The following RALGDS variants were observed in gnomAD, a reference collection of about 807,000 sequenced individuals.
RALGDS encodes ral guanine nucleotide exchange factor.
RALGDS carries 44 observed loss-of-function variants against 99.8 expected under a neutral mutation model. The ratio of observed to expected loss-of-function variants is 0.44; its 90% CI spans 0.35 to 0.57. RALGDS has a LOEUF of 0.57. Ranked by LOEUF, RALGDS falls within the 20% of genes least tolerant of loss-of-function variation. The pLI is 0.01. For synonymous variants in RALGDS, 529 were observed against 505.0 expected (o/e 1.05, Z -0.64); for missense variants, 1,022 against 1,203.1 (o/e 0.85, Z 2.23).
At chr9:133,133,443 G>GC (rs1210164399), upstream of RALGDS, among the ~76,000 whole-genome samples, 1 of 152,212 alleles carries the variant, frequency 6.6e-6, no homozygotes, top group African/African-American at 2.4e-5. Flanking sequence ...TCTGCCGCCA[G>GC]CCTGGGGGAG....
At chr9:133,113,188 G>A (rs1018528891) in intron 1 of RALGDS, among the ~76,000 whole-genome samples, 1 of 152,194 alleles carries the variant, frequency 6.6e-6, no homozygotes, top group African/African-American at 2.4e-5. Context: ...GAGCTAAGAG[G>A]TACTGGCCTG....
intron 1 of RALGDS, among the ~76,000 whole-genome samples, chr9:133,118,721 C>G (rs1428500868): frequency 6.6e-6 from 1 of 152,232 alleles, no homozygotes; most frequent in Non-Finnish European, 1.5e-5. Flanking sequence ...TACTGCTCAC[C>G]TGACCTCAGG....
At chr9:133,099,036 T>C in intron 17 of RALGDS, 1 of 452,800 alleles carries the variant, frequency 2.2e-6, no homozygotes, top group South Asian at 2.2e-5. Flanking sequence ...CACCCCGTCC[T>C]GCCCATACTG....
intron 1 of RALGDS, among the ~76,000 whole-genome samples, chr9:133,137,622 G>A (rs1832448709): frequency 6.6e-6 from 1 of 152,252 alleles, no homozygotes; most frequent in Non-Finnish European, 1.5e-5. Flanking sequence ...CCAGGCGGGG[G>A]AAGAGCGAGG....
At chr9:133,109,398 C>T (rs145631700) in intron 4 of RALGDS, among the ~76,000 whole-genome samples, 20 of 152,254 alleles carry the variant, frequency 1.3e-4, no homozygotes, top group Admixed American at 4.6e-4. Flanking sequence ...GATGAGTTCC[C>T]GCCGGGGGCT....
chr9:133,104,511 G>A (rs1163538054), intron 9 of RALGDS, 180 bp from the exon 10 acceptor site: 3 of 628,330 alleles, frequency 4.8e-6, no homozygotes, highest in Non-Finnish European at 8.6e-6. Flanking sequence ...TGGAAAGTGC[G>A]GATGAGAACT....
In RALGDS at chr9:133,101,773, C is replaced by T. The variant is rs374960631; in HGVS notation, c.2212-11G>A. 14 of 1,595,568 alleles carry T rather than the reference C, an allele frequency of 8.8e-6. No homozygotes were observed. The highest frequency in any genetic ancestry group is 5.3e-5 in the Admixed American group (3 of 56,346). ...GGCTGATTCCCAGAACTGAGGGAGA[C>T]GGTAAGATCAGCAGATCCCACTGCC... On this transcript the variant is annotated splice_polypyrimidine_tract_variant and intron_variant, in intron 15 of 17. Transcript: ENST00000372050.
chr9:133,103,338 A>G (rs182052088), intron 11 of RALGDS, 76 bp from the exon 12 acceptor site: 57 of 1,565,506 alleles, frequency 3.6e-5, no homozygotes, highest in Admixed American at 3.3e-4. Flanking sequence ...ATGCTGCACT[A>G]TCAAGAGTGC....
chr9:133,148,190 C>T (rs1219308455), intron 1 of RALGDS, among the ~76,000 whole-genome samples: 1 of 152,222 alleles, frequency 6.6e-6, no homozygotes, highest in African/African-American at 2.4e-5. Flanking sequence ...CCCTTGGAGT[C>T]ACCCAGGCCA....
At position 133,121,144 on chromosome 9, in the gene RALGDS, C is replaced by G. The variant is rs1831916155; in HGVS notation, c.11G>C (p.Arg4Pro). MVQ[R>P]MWAEAAGPAG... ...AGGCCCGGCCGCCTCGGCCCACATG[C>G]GCTGCACCATGGAAGGCTCGCAGCG... The change falls in exon 1 of 18, where the codon CGC becomes CCC. Residue 4 changes from arginine (R) to proline (P), a missense_variant. Transcript: ENST00000372050. 1 of 1,359,600 alleles carries G rather than the reference C, an allele frequency of 7.4e-7. No homozygotes were observed. The highest frequency in any genetic ancestry group is 9.5e-7 in the Non-Finnish European group (1 of 1,055,120). The allele number at this position is 1,359,600 out of a possible 1,614,324, so 84.2% of individuals were successfully genotyped here. A position where few individuals can be genotyped will look rare whatever the true frequency, so the allele number is the denominator to read the frequency against.
At chr9:133,108,524 G>C in intron 5 of RALGDS, 118 bp from the exon 6 acceptor site, 1 of 1,398,278 alleles carries the variant, frequency 7.2e-7, no homozygotes, top group Non-Finnish European at 9.8e-7. Flanking sequence ...CGTGTACCAG[G>C]CCACTCTCCT....
Position 133,106,627 on chromosome 9 carries a change from C to T in RALGDS, c.1517+18G>A. 6.3e-7 allele frequency: 1 copy of T among 1,575,894 alleles called. No homozygotes were observed. Among genetic ancestry groups the T allele is most frequent in the Non-Finnish European group, 8.7e-7 (1 of 1,152,348 alleles). On this transcript the variant is annotated intron_variant, in intron 8 of 17. Coordinates refer to ENST00000372050, the MANE Select transcript of RALGDS (RefSeq NM_006266.4). ...GAGGTCCCTGGTGCACCAGGAGCTC[C>T]TACAGAGGCATGCCCACCTGGAAAC... is the stretch of plus-strand genomic sequence containing the variant.
chr9:133,105,061 C>T (rs753093526), intron 9 of RALGDS, among the ~76,000 whole-genome samples: 15 of 152,170 alleles, frequency 9.9e-5, no homozygotes, highest in African/African-American at 2.4e-4. Flanking sequence ...TGCCTTTACC[C>T]GTTTGGTCAC....
At chr9:133,117,426 G>C (rs574178904) in intron 1 of RALGDS, among the ~76,000 whole-genome samples, 26 of 152,316 alleles carry the variant, frequency 1.7e-4, no homozygotes, top group African/African-American at 6.0e-4. Context: ...ATGACTACAG[G>C]GGAGGCTGCC....
upstream of RALGDS, among the ~76,000 whole-genome samples, chr9:133,133,219 C>G (rs542305133): frequency 3.3e-5 from 5 of 152,366 alleles, no homozygotes; most frequent in African/African-American, 1.2e-4. Context: ...TGGGGCTCCT[C>G]CTTTCGGAGC....
chr9:133,124,793 ACCC>A, upstream of RALGDS, among the ~76,000 whole-genome samples: 1 of 152,196 alleles, frequency 6.6e-6, no homozygotes, highest in Non-Finnish European at 1.5e-5. Flanking sequence ...CTGTGGGGAC[ACCC>A]TAACCAAGGG....
rs1365387832 is a variant in RALGDS, at chr9:133,121,166, A to G, written c.-12T>C. The G allele has an allele frequency of 7.8e-5, 90 of 1,149,268 alleles. 1 individual carries two copies. The highest frequency in any genetic ancestry group is 4.3e-6 in the Non-Finnish European group (4 of 933,888). The allele number at this position is 1,149,268 out of a possible 1,614,324, so 71.2% of individuals were successfully genotyped here. A position where few individuals can be genotyped will look rare whatever the true frequency, so the allele number is the denominator to read the frequency against. ...ATGCGCTGCACCATGGAAGGCTCGC[A>G]GCGCGGGCGCGGGGCCGGCCCGGCG... is the stretch of plus-strand genomic sequence containing the variant. On this transcript the variant is annotated 5_prime_UTR_variant, in exon 1 of 18. Transcript: ENST00000372050.
chr9:133,107,372 C>A, intron 6 of RALGDS, 72 bp from the exon 7 acceptor site: 4 of 1,333,756 alleles, frequency 3.0e-6, no homozygotes, highest in Non-Finnish European at 4.2e-6. Context: ...GCTGAGGATG[C>A]AGCTTGAGCC....
chr9:133,128,374 G>T (rs538930341), intron 1 of RALGDS, among the ~76,000 whole-genome samples: 26 of 152,198 alleles, frequency 1.7e-4, no homozygotes, highest in African/African-American at 6.0e-4. Context: ...GGCCCAGAGG[G>T]TCCCATAGTC....
Sources: allele counts gnomAD v4.1 joint callset (sites outside exome capture counted in the v4.1 genomes callset), GRCh38; gene constraint gnomAD v4.1.1; transcripts MANE v1.5; gene names NCBI Gene and HGNC (gene_info 2026-07-23, HGNC 2026-07-21).